MYB: variants seen among roughly 807,000 people sequenced by gnomAD.
MYB encodes the protein transcriptional activator Myb.
In MYB, 28 loss-of-function variants were observed where a neutral mutation model predicts 92.9. That is an observed-to-expected ratio of 0.30 (90% CI 0.22 to 0.41). The LOEUF is 0.41. Among genes scored for constraint, MYB ranks in the 10% least tolerant of loss-of-function variants. MYB has a pLI of 1.00. For synonymous variants in MYB, 295 were observed against 329.1 expected (o/e 0.90, Z 1.12); for missense variants, 679 against 929.3 (o/e 0.73, Z 3.50).
At chr6:135,205,631 A>G (rs960791035) in intron 15 of MYB, among the ~76,000 whole-genome samples, 1 of 152,226 alleles carries the variant, frequency 6.6e-6, no homozygotes, top group Non-Finnish European at 1.5e-5. Context: ...ACATCTGTAC[A>G]CTGAGATTAA....
Position 135,190,081 on chromosome 6 carries a change from T to C in MYB, c.307-46T>C. On this transcript the variant is annotated intron_variant, in intron 4 of 15. Transcript: ENST00000341911. This position sits in a 1 kb window ranked among gnomAD's most constrained non-coding sequence, Gnocchi z 4.5. ...ACTGAAGAATGATTATACTGACTCA[T>C]TACATAACTTTAAAACATAGGTTAT... The C allele has an allele frequency of 6.3e-7, 1 of 1,586,530 alleles. No homozygotes were observed. The highest frequency in any genetic ancestry group is 8.6e-7 in the Non-Finnish European group (1 of 1,157,904).
Position 135,182,193 on chromosome 6 carries a change from GCACCCAC to G in MYB, c.23+658_23+664del. 6.6e-6 allele frequency among the ~76,000 whole-genome samples: 1 copy of G among 152,168 alleles called. No homozygotes were observed. The highest frequency in any genetic ancestry group is 1.5e-5 in the Non-Finnish European group (1 of 68,020). ...TACTTCCACTGCAAACATTGCACGC[GCACCCAC>G]ACGCGCCGCCGTCGCACATGTCACT... On this transcript the variant is annotated intron_variant, in intron 1 of 15. Transcript: ENST00000341911. This position sits in a 1 kb window ranked among gnomAD's most constrained non-coding sequence, Gnocchi z 5.6.
At chr6:135,191,021 A>G (rs1776556877) in intron 5 of MYB, among the ~76,000 whole-genome samples, 1 of 152,170 alleles carries the variant, frequency 6.6e-6, no homozygotes, top group Admixed American at 6.5e-5. Flanking sequence ...CTGGTATCAA[A>G]CTCCTGGCCT....
chr6:135,191,580 A>G (rs1016326032), intron 5 of MYB, among the ~76,000 whole-genome samples: 2 of 152,208 alleles, frequency 1.3e-5, no homozygotes, highest in African/African-American at 4.8e-5. Flanking sequence ...TAACAGGGCT[A>G]TTGAACTTCC....
Position 135,190,023 on chromosome 6 carries a change from C to A in MYB, c.307-104C>A. Reference sequence around the variant, plus strand: ...TTCCCATATTTCCAGTGAATGAAAGCAAATTTTGGAAATTTTCTAAAGATC... The same window carrying A: ...TTCCCATATTTCCAGTGAATGAAAGAAAATTTTGGAAATTTTCTAAAGATC... On this transcript the variant is annotated intron_variant, in intron 4 of 15. Transcript: ENST00000341911. This position sits in a 1 kb window ranked among gnomAD's most constrained non-coding sequence, Gnocchi z 4.5. The A allele has an allele frequency of 6.8e-7, 1 of 1,465,516 alleles. No homozygotes were observed. The highest frequency in any genetic ancestry group is 9.3e-7 in the Non-Finnish European group (1 of 1,076,288). 90.8% of individuals were successfully genotyped at this position (1,465,516 alleles called of 1,614,324 possible). A position where few individuals can be genotyped will look rare whatever the true frequency, so the allele number is the denominator to read the frequency against.
intron 15 of MYB, among the ~76,000 whole-genome samples, chr6:135,216,441 A>G (rs563334291): frequency 3.3e-5 from 5 of 152,266 alleles, no homozygotes; most frequent in African/African-American, 1.2e-4. Context: ...TGTACATTGT[A>G]CCCGTTCATT....
At chr6:135,197,589 C>G (rs956002941) in intron 10 of MYB, among the ~76,000 whole-genome samples, 1 of 152,152 alleles carries the variant, frequency 6.6e-6, no homozygotes, top group African/African-American at 2.4e-5. Context: ...CTTTTATTTC[C>G]TTCAACACTA....
rs1209613421 is a variant in MYB, at chr6:135,218,799, G to A, written c.*819G>A. The stretch of plus-strand genomic sequence containing the variant: ...TTTTTTTTCCTTCTGCAATACATTT[G>A]AAAACTTGTTTGGGAGACTCTGCAT... On this transcript the variant is annotated 3_prime_UTR_variant, in exon 16 of 16. Transcript: ENST00000341911. 9.3e-6 allele frequency: 2 copies of A among 214,376 alleles called. No homozygotes were observed. The highest frequency in any genetic ancestry group is 4.5e-5 in the African/African-American group (2 of 44,156). The allele number at this position is 214,376 out of a possible 1,614,324, so 13.3% of individuals were successfully genotyped here. A position where few individuals can be genotyped will look rare whatever the true frequency, so the allele number is the denominator to read the frequency against.
Position 135,218,305 on chromosome 6 carries a change from T to G in MYB, c.*325T>G, listed in dbSNP as rs1395728910. On this transcript the variant is annotated 3_prime_UTR_variant, in exon 16 of 16. Transcript: ENST00000341911. ...TTTAAAGGATCCAACAGATCAGTATTTTTTCCTGTGATGGGTTTTTTGAAA... is the reference window on the plus strand; with the variant it reads ...TTTAAAGGATCCAACAGATCAGTATGTTTTCCTGTGATGGGTTTTTTGAAA... 2 of 283,386 alleles carry G rather than the reference T, an allele frequency of 7.1e-6. No homozygotes were observed. The highest frequency in any genetic ancestry group is 1.3e-5 in the Non-Finnish European group (2 of 149,442). 17.6% of individuals were successfully genotyped at this position (283,386 alleles called of 1,614,324 possible).
chr6:135,186,960 A>G (rs1775997918), intron 2 of MYB, among the ~76,000 whole-genome samples: 1 of 152,188 alleles, frequency 6.6e-6, no homozygotes, highest in African/African-American at 2.4e-5. Context: ...TAGGATTCCC[A>G]GAGAGGCCCA....
At chr6:135,192,946 A>G (rs950900826) in intron 6 of MYB, among the ~76,000 whole-genome samples, 1 of 152,232 alleles carries the variant, frequency 6.6e-6, no homozygotes, top group African/African-American at 2.4e-5. Context: ...CTCTTCCAAA[A>G]CGAAAAGGGA....
intron 15 of MYB, among the ~76,000 whole-genome samples, chr6:135,209,695 A>G (rs1052995985): frequency 6.6e-6 from 1 of 152,222 alleles, no homozygotes; most frequent in East Asian, 1.9e-4. Flanking sequence ...CAACAGCTAC[A>G]TAATCTTATA....
At chr6:135,200,548 C>A (rs1329608532) in intron 13 of MYB, 133 bp downstream of exon 13, 16 of 1,350,042 alleles carry the variant, frequency 1.2e-5, no homozygotes, top group Non-Finnish European at 1.7e-5. Flanking sequence ...ATACAAGGTG[C>A]AGCGAAAAGG....
chr6:135,214,416 G>A (rs1188583926), intron 15 of MYB, among the ~76,000 whole-genome samples: 2 of 151,862 alleles, frequency 1.3e-5, no homozygotes, highest in African/African-American at 4.8e-5. Context: ...TTTCTTTCCT[G>A]GTTCTCACAT....
chr6:135,195,871 C>T lies in MYB; in HGVS notation c.1072C>T (p.Pro358Ser), dbSNP rs1400595151. 1 of 1,614,158 alleles carries T rather than the reference C, an allele frequency of 6.2e-7. No homozygotes were observed. Among genetic ancestry groups the T allele is most frequent in the South Asian group, 1.1e-5 (1 of 91,080 alleles). ...AGAACACCACTCCACTCCATCTCTG[C>T]CAGCGGATCCTGGCTCCCTACCTGA... is the stretch of plus-strand genomic sequence containing the variant. ...LGEHHSTPSL[P>S]ADPGSLPEES... Residue 358 changes from proline to serine, a missense_variant, in exon 9 of 16, where the codon CCA becomes TCA. Pro to Ser is a moderately conservative substitution (Grantham distance 74). Around this residue, in one of 8 missense-constraint regions of MYB, gnomAD observed 56 missense variants for 55.8 expected, o/e 1.00. Coordinates refer to ENST00000341911, the MANE Select transcript of MYB (RefSeq NM_001130173.2).
chr6:135,194,145 G>A (rs1284038682), intron 7 of MYB, among the ~76,000 whole-genome samples: 1 of 152,114 alleles, frequency 6.6e-6, no homozygotes, highest in African/African-American at 2.4e-5. Context: ...TCATCAGTCA[G>A]CATCCACTCT....
chr6:135,194,467 C>T lies in MYB; in HGVS notation c.948+7C>T, dbSNP rs1476017235. On this transcript the variant is annotated splice_region_variant and intron_variant, in intron 8 of 15. Transcript: ENST00000341911. ...AGGACAGCAGGTGCTACCAGTAAGA[C>T]TGTCATCATGTGCTTGAATGAGGGG... is the stretch of plus-strand genomic sequence containing the variant. 1 of 1,597,542 alleles carries T rather than the reference C, an allele frequency of 6.3e-7. No individual in the cohort carries two copies. Among genetic ancestry groups the T allele is most frequent in the African/African-American group, 1.3e-5 (1 of 74,412 alleles).
rs533241731 is a variant in MYB, at chr6:135,200,609, T to G, written c.1950+194T>G. ...ACCTTTCCTTTGGGAAGCCAAGCCATCTCTATCTACTTCATGTTTGGACAG... is the reference window on the plus strand; with the variant it reads ...ACCTTTCCTTTGGGAAGCCAAGCCAGCTCTATCTACTTCATGTTTGGACAG... On this transcript the variant is annotated intron_variant, in intron 13 of 15. Coordinates refer to ENST00000341911, the MANE Select transcript of MYB (RefSeq NM_001130173.2). 150 of 730,552 alleles carry G rather than the reference T, an allele frequency of 2.1e-4. 2 individuals carry two copies. The South Asian group carries it at 2.1e-3, about 10-fold the overall frequency. The allele number at this position is 730,552 out of a possible 1,614,324, so 45.3% of individuals were successfully genotyped here.
intron 15 of MYB, among the ~76,000 whole-genome samples, chr6:135,213,565 G>A (rs892554651): frequency 9.2e-5 from 14 of 152,230 alleles, no homozygotes; most frequent in Non-Finnish European, 1.5e-4. Context: ...GTCAACCTAA[G>A]GACTATATTA....
Sources: gnomAD v4.1 joint callset for allele counts (sites outside exome capture counted in the v4.1 genomes callset) on GRCh38, gnomAD v4.1.1 for gene constraint, gnomAD v4.1.1 regional missense constraint, Gnocchi (gnomAD v3.1) non-coding constraint, MANE v1.5 for transcripts, NCBI Gene and HGNC (gene_info 2026-07-23, HGNC 2026-07-21) for gene names.